The following CPA6 variants were observed in gnomAD, a reference collection of about 807,000 sequenced individuals.
CPA6 encodes carboxypeptidase B.
CPA6 carries 58 observed loss-of-function variants against 63.3 expected under a neutral mutation model. That is an observed-to-expected ratio of 0.92 (90% CI 0.74 to 1.14). The LOEUF is 1.14. CPA6 is among the 50% of genes most tolerant of loss of function. The probability of loss-of-function intolerance (pLI) is 0.00; values close to 1 mark genes in which losing one functional copy is unlikely to be tolerated. For synonymous variants in CPA6, 185 were observed against 179.0 expected, an observed-to-expected ratio of 1.03 and a Z score of -0.27; for missense variants, 565 against 526.6, an observed-to-expected ratio of 1.07 and a Z score of -0.71.
At chr8:67,481,012 G>A (rs568987879) in intron 8 of CPA6, among the ~76,000 whole-genome samples, 1 of 152,062 alleles carries the variant, frequency 6.6e-6, no homozygotes, top group Non-Finnish European at 1.5e-5. Flanking sequence ...TTTAAATTGG[G>A]TTACTTGTGT....
intron 2 of CPA6, among the ~76,000 whole-genome samples, chr8:67,568,641 A>G (rs1339094866): frequency 6.6e-6 from 1 of 152,250 alleles, no homozygotes; most frequent in Non-Finnish European, 1.5e-5. Flanking sequence ...AGAATGAAAA[A>G]GATGAAGAAA....
At chr8:67,732,739 A>AACG (rs1164503838) in intron 1 of CPA6, 1 of 152,418 alleles carries the variant, frequency 6.6e-6, no homozygotes, top group Non-Finnish European at 1.5e-5. Flanking sequence ...AAGGACAGAG[A>AACG]ACGAAAGCTG....
Position 67,624,253 on chromosome 8 carries a change from T to A in CPA6, c.117-2A>T. On this transcript the variant is annotated splice_acceptor_variant, in intron 1 of 10. Coordinates refer to ENST00000297770, the MANE Select transcript of CPA6 (RefSeq NM_020361.5). LOFTEE classifies it high-confidence loss of function. ...GGAATAAATCTTATCACTTTATCAC[T>A]ACAAGATAAGAAAAGAAAGATGATA... The A allele has an allele frequency of 7.0e-7, 1 of 1,423,172 alleles. No individual in the cohort carries two copies. Among genetic ancestry groups the A allele is most frequent in the Non-Finnish European group, 9.8e-7 (1 of 1,016,020 alleles). The allele number at this position is 1,423,172 out of a possible 1,614,324, so 88.2% of individuals were successfully genotyped here. A position where few individuals can be genotyped will look rare whatever the true frequency, so the allele number is the denominator to read the frequency against.
intron 10 of CPA6, among the ~76,000 whole-genome samples, chr8:67,425,122 T>C (rs1187684298): frequency 6.6e-6 from 1 of 152,228 alleles, no homozygotes; most frequent in Non-Finnish European, 1.5e-5. Context: ...TATTAACTTA[T>C]TATTTTGCCT....
chr8:67,445,634 A>G (rs371825126), intron 8 of CPA6, among the ~76,000 whole-genome samples: 1 of 152,204 alleles, frequency 6.6e-6, no homozygotes, highest in East Asian at 1.9e-4. Flanking sequence ...GATGAGAAAG[A>G]TAGATGAAAT....
At chr8:67,693,611 C>T (rs910340754) in intron 1 of CPA6, among the ~76,000 whole-genome samples, 2 of 152,288 alleles carry the variant, frequency 1.3e-5, no homozygotes, top group Non-Finnish European at 2.9e-5. Context: ...GATTAGTGCC[C>T]TAATGAAAGA....
chr8:67,527,842 A>G (rs1324982097), intron 2 of CPA6, among the ~76,000 whole-genome samples: 1 of 152,156 alleles, frequency 6.6e-6, no homozygotes, highest in Non-Finnish European at 1.5e-5. Flanking sequence ...TTTTTCTTCC[A>G]TTTTCCTTCA....
chr8:67,457,631 A>G (rs1016477222), intron 8 of CPA6, among the ~76,000 whole-genome samples: 2 of 151,884 alleles, frequency 1.3e-5, no homozygotes, highest in African/African-American at 2.4e-5. Context: ...ACTGTAATCC[A>G]TCCTTCATCT....
chr8:67,701,545 A>T (rs765241733), intron 1 of CPA6, among the ~76,000 whole-genome samples: 10 of 152,246 alleles, frequency 6.6e-5, no homozygotes, highest in Non-Finnish European at 1.2e-4. Context: ...ATGATGATTT[A>T]ATGAAAGTGT....
At chr8:67,474,440 C>T (rs1264706126) in intron 8 of CPA6, among the ~76,000 whole-genome samples, 2 of 151,998 alleles carry the variant, frequency 1.3e-5, no homozygotes, top group African/African-American at 4.8e-5. Context: ...CCAGGCTGGT[C>T]TCAAATTCCT....
chr8:67,640,677 G>A (rs947655705), intron 1 of CPA6, among the ~76,000 whole-genome samples: 3 of 151,336 alleles, frequency 2.0e-5, no homozygotes, highest in Non-Finnish European at 4.4e-5. Context: ...CTATAGTTGC[G>A]CCTGGGGAGC....
intron 2 of CPA6, among the ~76,000 whole-genome samples, chr8:67,553,734 G>A (rs1480877967): frequency 6.6e-6 from 1 of 152,170 alleles, no homozygotes; most frequent in Non-Finnish European, 1.5e-5. Flanking sequence ...GAAATAAAAT[G>A]TGGCATTTTA....
Position 67,422,412 on chromosome 8 carries a change from C to A in CPA6, c.*92G>T. The A allele has an allele frequency of 1.8e-6, 2 of 1,091,228 alleles. No homozygotes were observed. Among genetic ancestry groups the A allele is most frequent in the African/African-American group, 1.6e-5 (1 of 63,868 alleles). 67.6% of individuals were successfully genotyped at this position (1,091,228 alleles called of 1,614,324 possible). A position where few individuals can be genotyped will look rare whatever the true frequency, so the allele number is the denominator to read the frequency against. On this transcript the variant is annotated 3_prime_UTR_variant, in exon 11 of 11. Transcript: ENST00000297770. ...AGTCCATAGACATGTTCACTCTAAG[C>A]AGCTGCCCTTCTCTTTGAAAACAAT...
intron 2 of CPA6, among the ~76,000 whole-genome samples, chr8:67,558,345 T>C (rs1287783946): frequency 6.6e-6 from 1 of 152,236 alleles, no homozygotes; most frequent in Non-Finnish European, 1.5e-5. Context: ...GTAGCTATCT[T>C]GTTTACTTTT....
At chr8:67,580,411 A>C (rs1813741120) in intron 2 of CPA6, among the ~76,000 whole-genome samples, 2 of 152,192 alleles carry the variant, frequency 1.3e-5, no homozygotes, top group South Asian at 4.1e-4. Flanking sequence ...AACCTCATGA[A>C]AAGAATTGTT....
At chr8:67,621,066 A>G (rs574054827) in intron 2 of CPA6, among the ~76,000 whole-genome samples, 1 of 152,304 alleles carries the variant, frequency 6.6e-6, no homozygotes, top group African/African-American at 2.4e-5. Flanking sequence ...CCCCAATAAA[A>G]ACCCCAGGCA....
At chr8:67,745,189 G>A (rs1817985208) in intron 1 of CPA6, among the ~76,000 whole-genome samples, 1 of 152,156 alleles carries the variant, frequency 6.6e-6, no homozygotes, top group Non-Finnish European at 1.5e-5. Context: ...TTACTCCTCT[G>A]TAAAAAGGAA....
intron 1 of CPA6, among the ~76,000 whole-genome samples, chr8:67,667,314 A>C (rs1816252438): frequency 6.6e-6 from 1 of 152,074 alleles, no homozygotes; most frequent in African/African-American, 2.4e-5. Flanking sequence ...CTTAGATCTG[A>C]AAAGGACCTC....
intron 5 of CPA6, 44 bp downstream of exon 5, chr8:67,509,473 T>C (rs1431693916): frequency 3.3e-6 from 3 of 907,004 alleles, no homozygotes; most frequent in Non-Finnish European, 5.3e-6. Flanking sequence ...AAGATGGATA[T>C]TTGGTAAACA....
Sources: allele counts gnomAD v4.1 joint callset (sites outside exome capture counted in the v4.1 genomes callset), GRCh38; gene constraint gnomAD v4.1.1; transcripts MANE v1.5; gene names NCBI Gene and HGNC (gene_info 2026-07-23, HGNC 2026-07-21).